Variants in NFIA observed in about 807,000 individuals in gnomAD.
The protein encoded by NFIA is nuclear factor 1 A-type.
Under a neutral mutation model 62.8 loss-of-function variants are expected in NFIA, and 8 were observed. The observed-to-expected ratio is 0.13, with a 90% CI of 0.07 to 0.23. The LOEUF (loss-of-function observed/expected upper bound fraction) is 0.23. Ranked by LOEUF, NFIA falls within the 10% of genes least tolerant of loss-of-function variation. The pLI, the probability that NFIA is intolerant of heterozygous loss-of-function variation, is 1.00. For missense variants in NFIA, 410 were observed against 642.1 expected, an observed-to-expected ratio of 0.64 and a Z score of 3.91; for synonymous variants, 235 against 238.1, an observed-to-expected ratio of 0.99 and a Z score of 0.12.
At chr1:61,318,328 C>T (rs552300521) in intron 3 of NFIA, among the ~76,000 whole-genome samples, 6 of 152,074 alleles carry the variant, frequency 3.9e-5, no homozygotes, top group African/African-American at 1.4e-4. Context: ...GAGAATGGAC[C>T]CCGGCATGTT....
chr1:61,313,572 T>G (rs1660220953), intron 3 of NFIA, among the ~76,000 whole-genome samples: 2 of 152,126 alleles, frequency 1.3e-5, no homozygotes, highest in South Asian at 4.1e-4. Flanking sequence ...CTTCCAATAT[T>G]GGGGATTACA....
intron 2 of NFIA, among the ~76,000 whole-genome samples, chr1:61,159,327 T>C (rs962081443): frequency 6.6e-6 from 1 of 152,192 alleles, no homozygotes; most frequent in Non-Finnish European, 1.5e-5. Flanking sequence ...GCATTGATCT[T>C]GGAATTAGAT....
At chr1:61,112,215 G>A (rs930019599) in intron 2 of NFIA, among the ~76,000 whole-genome samples, 2 of 151,266 alleles carry the variant, frequency 1.3e-5, no homozygotes, top group East Asian at 3.9e-4. Flanking sequence ...AAAAATAAAT[G>A]TTTTCAATTT....
chr1:61,299,650 T>C (rs1419615393), intron 3 of NFIA, among the ~76,000 whole-genome samples: 2 of 152,172 alleles, frequency 1.3e-5, no homozygotes, highest in South Asian at 2.1e-4. Context: ...GATAGACTTG[T>C]TTGTACAGCG....
chr1:61,329,649 G>A (rs1661182652), intron 3 of NFIA, among the ~76,000 whole-genome samples: 1 of 152,190 alleles, frequency 6.6e-6, no homozygotes, highest in South Asian at 2.1e-4. Context: ...TTACAGGTGT[G>A]AGCCACAGTG....
intron 9 of NFIA, 149 bp from the exon 10 acceptor site, chr1:61,426,316 C>T (rs954017889): frequency 1.6e-6 from 1 of 612,936 alleles, no homozygotes; most frequent in African/African-American, 1.8e-5. Flanking sequence ...TCTGAAATGC[C>T]CTTGCTAGCC....
intron 2 of NFIA, among the ~76,000 whole-genome samples, chr1:61,105,747 A>C (rs1471685858): frequency 6.6e-6 from 1 of 151,876 alleles, no homozygotes; most frequent in African/African-American, 2.4e-5. Context: ...CCATTATGGC[A>C]AAGTATGGAT....
At position 61,406,551 on chromosome 1, in the gene NFIA, C is replaced by CCG. The variant is rs1553183270; in HGVS notation, c.1255-10_1255-9insGC. The stretch of plus-strand genomic sequence containing the variant: ...TTGTACGTGTGTTTTCTGCCCCCCC[C>CCG]CCCCCCACAGCCCAATGGGAGCAGC... On this transcript the variant is annotated splice_polypyrimidine_tract_variant and intron_variant, in intron 8 of 10. Coordinates refer to ENST00000403491, the MANE Select transcript of NFIA (RefSeq NM_001134673.4). The CCG allele has an allele frequency of 1.7e-6, 2 of 1,184,988 alleles. No individual in the cohort carries two copies. Among genetic ancestry groups the CCG allele is most frequent in the Non-Finnish European group, 2.3e-6 (2 of 874,244 alleles). 73.4% of individuals were successfully genotyped at this position (1,184,988 alleles called of 1,614,324 possible). A position where few individuals can be genotyped will look rare whatever the true frequency, so the allele number is the denominator to read the frequency against.
At chr1:61,267,772 A>G (rs1657263779) in intron 2 of NFIA, among the ~76,000 whole-genome samples, 3 of 152,186 alleles carry the variant, frequency 2.0e-5, no homozygotes, top group African/African-American at 7.2e-5. Flanking sequence ...GCTCTACCCC[A>G]GTTTCACCAG....
chr1:61,079,995 T>C (rs1646076017), upstream of NFIA, among the ~76,000 whole-genome samples: 1 of 152,126 alleles, frequency 6.6e-6, no homozygotes, highest in South Asian at 2.1e-4. Context: ...CTGTGCTTTG[T>C]AGTGTTCCCC....
chr1:61,113,057 G>A (rs1319432036), intron 2 of NFIA, among the ~76,000 whole-genome samples: 2 of 152,114 alleles, frequency 1.3e-5, no homozygotes, highest in Admixed American at 6.5e-5. Context: ...AAAATGGTAC[G>A]TCTTTTGAAA....
chr1:61,452,788 G>A (rs1453040227), intron 10 of NFIA, among the ~76,000 whole-genome samples: 2 of 152,212 alleles, frequency 1.3e-5, no homozygotes, highest in African/African-American at 4.8e-5. Flanking sequence ...AACTCTGAGA[G>A]TGTGTGGTTA....
At chr1:61,449,769 T>C (rs935218751) in intron 10 of NFIA, among the ~76,000 whole-genome samples, 10 of 152,352 alleles carry the variant, frequency 6.6e-5, no homozygotes, top group African/African-American at 2.4e-4. Flanking sequence ...ACAGACTTTC[T>C]TTAATTAAGA....
chr1:61,126,784 T>TCCC (rs1395675770), intron 2 of NFIA, among the ~76,000 whole-genome samples: 4 of 137,524 alleles, frequency 2.9e-5, no homozygotes, highest in African/African-American at 1.1e-4. Context: ...TTCCTTTTTT[T>TCCC]TTTTTTTTTT....
intron 2 of NFIA, among the ~76,000 whole-genome samples, chr1:61,190,504 G>A (rs1023640927): frequency 2.6e-5 from 4 of 152,172 alleles, no homozygotes; most frequent in South Asian, 2.1e-4. Context: ...ACAGACACAC[G>A]TCTTATCCCA....
At chr1:61,454,663 T>C (rs980692351) in intron 10 of NFIA, among the ~76,000 whole-genome samples, 5 of 152,210 alleles carry the variant, frequency 3.3e-5, no homozygotes, top group Admixed American at 6.5e-5. Flanking sequence ...ATCCTACATA[T>C]GTAAGGAAGG....
chr1:61,318,829 T>G (rs1365104559), intron 3 of NFIA, among the ~76,000 whole-genome samples: 1 of 152,134 alleles, frequency 6.6e-6, no homozygotes, highest in Non-Finnish European at 1.5e-5. Flanking sequence ...ACTCAAGGTA[T>G]TTGCATAGAG....
intron 2 of NFIA, among the ~76,000 whole-genome samples, chr1:61,233,023 G>T (rs1230162671): frequency 1.3e-5 from 2 of 151,976 alleles, no homozygotes; most frequent in East Asian, 3.9e-4. Context: ...TAAATTCTAA[G>T]CTCCTAGAGT....
chr1:61,418,122 A>C (rs1338051168), intron 9 of NFIA, among the ~76,000 whole-genome samples: 1 of 152,110 alleles, frequency 6.6e-6, no homozygotes, highest in Non-Finnish European at 1.5e-5. Context: ...TTTAGGTTCC[A>C]TTTGTGTTTT....
Sources: gnomAD v4.1 joint callset for allele counts (sites outside exome capture counted in the v4.1 genomes callset) on GRCh38, gnomAD v4.1.1 for gene constraint, MANE v1.5 for transcripts, NCBI Gene and HGNC (gene_info 2026-07-23, HGNC 2026-07-21) for gene names.